Variants in SMOC1 observed in about 807,000 individuals in gnomAD.
SMOC1 encodes SPARC-related modular calcium-binding protein 1.
A neutral mutation model predicts 56.3 loss-of-function variants in SMOC1; 22 were observed. The observed-to-expected ratio is 0.39, with a 90% CI of 0.28 to 0.56. The LOEUF (loss-of-function observed/expected upper bound fraction) is 0.56. SMOC1 is among the 20% of genes least tolerant of loss of function. SMOC1 has a pLI of 0.61. For missense variants in SMOC1, 509 were observed against 565.4 expected (o/e 0.90, Z 1.01); for synonymous variants, 193 against 215.0 (o/e 0.90, Z 0.89).
chr14:69,987,884 C>G (rs973160123), intron 5 of SMOC1, among the ~76,000 whole-genome samples: 3 of 152,198 alleles, frequency 2.0e-5, no homozygotes, highest in African/African-American at 7.2e-5. Context: ...GCTCACAGAG[C>G]CCATGCGGGG....
At chr14:70,027,849 C>T (rs555357836) in intron 11 of SMOC1, among the ~76,000 whole-genome samples, 3 of 152,254 alleles carry the variant, frequency 2.0e-5, no homozygotes, top group Non-Finnish European at 2.9e-5. Flanking sequence ...GGAACATGTC[C>T]GGGAAAGAAG....
intron 3 of SMOC1, among the ~76,000 whole-genome samples, chr14:69,975,258 G>A (rs370628458): frequency 5.3e-5 from 8 of 152,074 alleles, no homozygotes; most frequent in South Asian, 4.1e-4. Context: ...CAGGAGAATC[G>A]CTTGAACCCA....
chr14:70,012,513 C>G (rs1885376517), intron 9 of SMOC1, among the ~76,000 whole-genome samples: 3 of 152,198 alleles, frequency 2.0e-5, no homozygotes, highest in Admixed American at 1.3e-4. Flanking sequence ...CAGGGAGAAC[C>G]TGCTTTAGAT....
chr14:69,994,111 T>C (rs893727510), intron 6 of SMOC1: 4 of 471,784 alleles, frequency 8.5e-6, no homozygotes, highest in Admixed American at 3.3e-5. Flanking sequence ...CCCATGTTCC[T>C]TACCTCCTGG....
At chr14:69,905,296 G>T (rs999924349) in intron 1 of SMOC1, among the ~76,000 whole-genome samples, 3 of 151,932 alleles carry the variant, frequency 2.0e-5, no homozygotes, top group Admixed American at 2.0e-4. Flanking sequence ...CAAGCAGAGG[G>T]AACGCATGTG....
intron 1 of SMOC1, among the ~76,000 whole-genome samples, chr14:69,938,718 A>G (rs1188557730): frequency 1.3e-5 from 2 of 152,156 alleles, no homozygotes; most frequent in East Asian, 1.9e-4. Context: ...TAGGACACTG[A>G]TAAGGTCTCC....
At chr14:69,951,942 A>T (rs1025563361) in intron 1 of SMOC1, among the ~76,000 whole-genome samples, 196 bp from the exon 2 acceptor site, 4 of 152,172 alleles carry the variant, frequency 2.6e-5, no homozygotes, top group Admixed American at 6.5e-5. Flanking sequence ...GTTAGACATT[A>T]TTGTTCTTAT....
rs1341296570 is a variant in SMOC1 at position 70,023,267 on chromosome 14, C to G, written c.1111C>G (p.Leu371Val). The G allele has an allele frequency of 6.2e-7, 1 of 1,614,042 alleles. No homozygotes were observed. The highest frequency in any genetic ancestry group is 2.2e-5 in the East Asian group (1 of 44,892). The change falls in exon 11 of 12, where the codon CTG becomes GTG. Residue 371 changes from leucine (L) to valine (V), a missense_variant. By Grantham distance (32) the Leu-to-Val change is conservative. Coordinates refer to ENST00000361956, the MANE Select transcript of SMOC1 (RefSeq NM_001034852.3). ...ERVVHWYFSQLDSNSSNDINK... is the reference protein window; with the variant it reads ...ERVVHWYFSQVDSNSSNDINK... ...GGTAGTGCACTGGTATTTCAGCCAG[C>G]TGGACAGCAATAGCAGCAACGACAT...
In SMOC1 at chr14:69,879,489, C is replaced by T. The variant is rs553836605; in HGVS notation, c.-190C>T. The T allele has an allele frequency of 5.5e-4, 236 of 428,398 alleles. No homozygotes were observed. Among genetic ancestry groups the T allele is most frequent in the African/African-American group, 4.7e-3 (226 of 47,968 alleles). 26.5% of individuals were successfully genotyped at this position (428,398 alleles called of 1,614,324 possible). ...CGCGCGCAGAGCACACGCTCGCGCT[C>T]CAGCTCCCCTCCTGCGCGGTTCATG... On this transcript the variant is annotated 5_prime_UTR_variant, in exon 1 of 12. Coordinates refer to ENST00000361956, the MANE Select transcript of SMOC1 (RefSeq NM_001034852.3).
chr14:70,029,358 A>C (rs1256156583), intron 11 of SMOC1, among the ~76,000 whole-genome samples: 1 of 152,136 alleles, frequency 6.6e-6, no homozygotes, highest in Non-Finnish European at 1.5e-5. Flanking sequence ...GGGAACCAAG[A>C]CCTGGGACAG....
intron 10 of SMOC1, among the ~76,000 whole-genome samples, chr14:70,016,428 T>C (rs1164557966): frequency 6.6e-6 from 1 of 152,218 alleles, no homozygotes; most frequent in Non-Finnish European, 1.5e-5. Flanking sequence ...TTGGTAGTTA[T>C]GTTACCTAGA....
intron 7 of SMOC1, among the ~76,000 whole-genome samples, chr14:70,005,811 G>T (rs1054178111): frequency 2.0e-5 from 3 of 152,236 alleles, no homozygotes; most frequent in South Asian, 4.1e-4. Context: ...TGCCCCCCTG[G>T]ACAGCCCTGA....
chr14:69,984,006 A>G (rs1312646959), intron 5 of SMOC1, among the ~76,000 whole-genome samples: 1 of 152,264 alleles, frequency 6.6e-6, no homozygotes, highest in African/African-American at 2.4e-5. Flanking sequence ...AGGCAATGGA[A>G]CTAGAATAGC....
At chr14:69,966,203 A>T (rs1049546367) in intron 3 of SMOC1, among the ~76,000 whole-genome samples, 2 of 152,154 alleles carry the variant, frequency 1.3e-5, no homozygotes, top group Non-Finnish European at 2.9e-5. Flanking sequence ...AACCCCCAAG[A>T]TAGAAATAAA....
chr14:69,990,591 G>GA (rs1225072412), intron 5 of SMOC1, among the ~76,000 whole-genome samples: 2 of 152,264 alleles, frequency 1.3e-5, no homozygotes, highest in East Asian at 3.9e-4. Flanking sequence ...GAATTCAATG[G>GA]AAAGAGGTGT....
intron 10 of SMOC1, among the ~76,000 whole-genome samples, chr14:70,022,307 C>T (rs909526685): frequency 1.2e-4 from 19 of 152,356 alleles, no homozygotes; most frequent in African/African-American, 3.6e-4. Flanking sequence ...CCATTACATA[C>T]AGTTACACAT....
intron 11 of SMOC1, among the ~76,000 whole-genome samples, chr14:70,025,837 A>G (rs1349875810): frequency 1.3e-5 from 2 of 152,228 alleles, no homozygotes; most frequent in African/African-American, 2.4e-5. Context: ...CACCTGCTTA[A>G]TGGGAAAAAT....
chr14:69,999,292 C>T (rs1884883516), intron 7 of SMOC1, among the ~76,000 whole-genome samples: 1 of 152,112 alleles, frequency 6.6e-6, no homozygotes, highest in Non-Finnish European at 1.5e-5. Flanking sequence ...CTTGGGGTCA[C>T]TGAGGCAACT....
At chr14:69,901,869 T>C (rs1884249999) in intron 1 of SMOC1, among the ~76,000 whole-genome samples, 1 of 152,242 alleles carries the variant, frequency 6.6e-6, no homozygotes, top group Non-Finnish European at 1.5e-5. Flanking sequence ...TGTCACCATC[T>C]TGAGATGCCT....
Sources: gnomAD v4.1 joint callset for allele counts (sites outside exome capture counted in the v4.1 genomes callset) on GRCh38, gnomAD v4.1.1 for gene constraint, MANE v1.5 for transcripts, NCBI Gene and HGNC (gene_info 2026-07-23, HGNC 2026-07-21) for gene names.